GRXCR2: variants seen among roughly 807,000 people sequenced by gnomAD.
GRXCR2 encodes glutaredoxin and cysteine rich domain containing 2.
Under a neutral mutation model 24.8 loss-of-function variants are expected in GRXCR2, and 23 were observed. The ratio of observed to expected loss-of-function variants is 0.93; its 90% CI spans 0.67 to 1.32. The LOEUF (loss-of-function observed/expected upper bound fraction) is 1.32. GRXCR2 is among the 40% of genes most tolerant of loss of function. GRXCR2 has a pLI of 0.00. For missense variants in GRXCR2, 315 were observed against 303.4 expected (o/e 1.04, Z -0.28); for synonymous variants, 130 against 116.1 (o/e 1.12, Z -0.77).
chr5:145,930,772 G>A (rs1284206485), intron 2 of GRXCR2, among the ~76,000 whole-genome samples: 1 of 152,114 alleles, frequency 6.6e-6, no homozygotes, highest in Non-Finnish European at 1.5e-5. Context: ...GTTCTTTTAT[G>A]AGATCTACTT....
Position 145,866,651 on chromosome 5 carries a change from C to A in GRXCR2, c.414G>T (p.Lys138Asn), listed in dbSNP as rs2149909948. The A allele has an allele frequency of 1.2e-6, 2 of 1,613,936 alleles. No individual in the cohort carries two copies. The highest frequency in any genetic ancestry group is 4.5e-5 in the East Asian group (2 of 44,886). The change falls in exon 2 of 3, where the codon AAG (lysine) becomes AAT (asparagine). Residue 138 changes from lysine (K) to asparagine (N), a missense_variant. Coordinates refer to ENST00000377976, the MANE Select transcript of GRXCR2 (RefSeq NM_001080516.2). Reference protein sequence around the residue: ...NLKIIRTPMDKRDFVRKILQK... With the variant: ...NLKIIRTPMDNRDFVRKILQK... ...GGAGAATTTTCCTCACAAAATCTCT[C>A]TTGTCCATTGGGGTTCGAATGATTT...
At chr5:145,900,961 T>C (rs1257856294) in intron 2 of GRXCR2, among the ~76,000 whole-genome samples, 1 of 152,090 alleles carries the variant, frequency 6.6e-6, no homozygotes. Flanking sequence ...TATGCAGCCA[T>C]AAAAAAGAAC....
At chr5:145,907,779 G>C (rs755383325) in intron 2 of GRXCR2, among the ~76,000 whole-genome samples, 2 of 152,158 alleles carry the variant, frequency 1.3e-5, no homozygotes, top group Admixed American at 6.5e-5. Context: ...TGGTGGAGGA[G>C]CTAGGCATTT....
At chr5:145,909,657 A>G (rs1025773265) in intron 2 of GRXCR2, among the ~76,000 whole-genome samples, 4 of 152,174 alleles carry the variant, frequency 2.6e-5, no homozygotes, top group Non-Finnish European at 5.9e-5. Flanking sequence ...TGGCTTCTTC[A>G]TCAATGCCTA....
At chr5:145,921,985 A>T (rs1757328294) in intron 2 of GRXCR2, among the ~76,000 whole-genome samples, 1 of 152,174 alleles carries the variant, frequency 6.6e-6, no homozygotes, top group Non-Finnish European at 1.5e-5. Context: ...TCTGGGTGAA[A>T]ACATTTGTTG....
chr5:145,875,029 C>T (rs1011971238), upstream of GRXCR2, among the ~76,000 whole-genome samples: 8 of 152,214 alleles, frequency 5.3e-5, no homozygotes, highest in Admixed American at 6.5e-5. Context: ...TCGGACCTAC[C>T]GCCATTCAGA....
chr5:145,890,313 C>T (rs1003081645), intron 2 of GRXCR2, among the ~76,000 whole-genome samples: 3 of 152,154 alleles, frequency 2.0e-5, no homozygotes, highest in African/African-American at 7.2e-5. Flanking sequence ...TGGTCTTGAA[C>T]TTCTGACCTC....
chr5:145,865,980 A>G (rs886421610), intron 2 of GRXCR2, among the ~76,000 whole-genome samples: 1 of 84,424 alleles, frequency 1.2e-5, no homozygotes, highest in African/African-American at 6.5e-5. Context: ...TCTATTAAAA[A>G]TAAAAAAAAA....
chr5:145,888,287 T>C (rs776576164), intron 2 of GRXCR2, among the ~76,000 whole-genome samples: 3 of 152,140 alleles, frequency 2.0e-5, no homozygotes, highest in Admixed American at 1.3e-4. Context: ...ATACTTTGTA[T>C]CTACTAAGTC....
intron 2 of GRXCR2, among the ~76,000 whole-genome samples, chr5:145,894,557 C>G (rs564429667): frequency 1.3e-5 from 2 of 152,158 alleles, no homozygotes; most frequent in African/African-American, 4.8e-5. Context: ...TTCCTGGACA[C>G]ATACACCCTC....
chr5:145,902,798 T>C (rs1262153273), intron 2 of GRXCR2, among the ~76,000 whole-genome samples: 1 of 152,204 alleles, frequency 6.6e-6, no homozygotes, highest in East Asian at 1.9e-4. Context: ...GTAAGCATTA[T>C]CTCCCTTTTA....
At chr5:145,913,502 C>T (rs1209400331) in intron 2 of GRXCR2, among the ~76,000 whole-genome samples, 1 of 151,942 alleles carries the variant, frequency 6.6e-6, no homozygotes, top group African/African-American at 2.4e-5. Flanking sequence ...TTTAATACCC[C>T]AAATTAGAAA....
intron 2 of GRXCR2, among the ~76,000 whole-genome samples, chr5:145,929,161 T>A (rs1032924071): frequency 1.4e-5 from 2 of 145,406 alleles, no homozygotes; most frequent in Non-Finnish European, 3.0e-5. Context: ...TAAATATGCA[T>A]CTCCTTATCA....
chr5:145,929,888 T>C (rs193280459), intron 2 of GRXCR2, among the ~76,000 whole-genome samples: 76 of 152,238 alleles, frequency 5.0e-4, no homozygotes, highest in African/African-American at 1.7e-3. Context: ...TTTTGGTTCT[T>C]CACAATCACT....
intron 2 of GRXCR2, among the ~76,000 whole-genome samples, chr5:145,919,400 C>T (rs747717289): frequency 7.2e-5 from 11 of 152,160 alleles, no homozygotes; most frequent in Non-Finnish European, 1.3e-4. Context: ...TGCAAGTAGC[C>T]TTACTTCTTT....
chr5:145,874,273 G>A (rs34710811), upstream of GRXCR2, among the ~76,000 whole-genome samples: 4,081 of 150,414 alleles, frequency 0.027, 66 homozygotes, highest in Middle Eastern at 0.054. Flanking sequence ...GTACGATCTC[G>A]GCTCACTGCA....
chr5:145,927,373 A>G (rs1043784283), intron 2 of GRXCR2, among the ~76,000 whole-genome samples: 104 of 152,246 alleles, frequency 6.8e-4, no homozygotes, highest in African/African-American at 2.5e-3. Context: ...GTTTGTCATA[A>G]ATAGCTCTTA....
chr5:145,899,207 T>G (rs772325313), intron 2 of GRXCR2, among the ~76,000 whole-genome samples: 2 of 151,830 alleles, frequency 1.3e-5, no homozygotes, highest in South Asian at 2.1e-4. Flanking sequence ...ACCTAGGAGG[T>G]AAAAGACCTC....
intron 2 of GRXCR2, among the ~76,000 whole-genome samples, chr5:145,885,368 T>C (rs894883425): frequency 6.6e-6 from 1 of 152,132 alleles, no homozygotes; most frequent in African/African-American, 2.4e-5. Flanking sequence ...ACTTTTTTTT[T>C]CTCCCAAGGT....
Sources: gnomAD v4.1 joint callset for allele counts (sites outside exome capture counted in the v4.1 genomes callset) on GRCh38, gnomAD v4.1.1 for gene constraint, MANE v1.5 for transcripts, NCBI Gene and HGNC (gene_info 2026-07-23, HGNC 2026-07-21) for gene names.